CMTR1: variants seen among roughly 807,000 people sequenced by gnomAD.
The protein encoded by CMTR1 is cap-specific mRNA (nucleoside-2'-O-)-methyltransferase 1.
Under a neutral mutation model 107.0 loss-of-function variants are expected in CMTR1, and 39 were observed. The observed-to-expected ratio is 0.36, with a 90% CI of 0.28 to 0.48. CMTR1 has a LOEUF of 0.48. Ranked by LOEUF, CMTR1 falls within the 20% of genes least tolerant of loss-of-function variation. CMTR1 has a pLI of 0.99. For synonymous variants in CMTR1, 366 were observed against 379.5 expected, an observed-to-expected ratio of 0.96 and a Z score of 0.41; for missense variants, 672 against 1,064.9, an observed-to-expected ratio of 0.63 and a Z score of 5.14.
chr6:37,436,560 G>C (rs1008420904), intron 2 of CMTR1, among the ~76,000 whole-genome samples: 3 of 152,220 alleles, frequency 2.0e-5, no homozygotes, highest in African/African-American at 7.2e-5. Flanking sequence ...CTCTTGGGAA[G>C]ACCTTCCTTA....
chr6:37,453,853 C>G (rs1761235003), intron 8 of CMTR1, among the ~76,000 whole-genome samples: 1 of 152,208 alleles, frequency 6.6e-6, no homozygotes. Context: ...ATGAGCCGTA[C>G]TAACCTGCCA....
At chr6:37,465,008 G>A (rs1004771753) in intron 13 of CMTR1, among the ~76,000 whole-genome samples, 4 of 150,676 alleles carry the variant, frequency 2.7e-5, no homozygotes, top group Admixed American at 6.6e-5. Context: ...GGTGGCTCAC[G>A]CCTGTAATCC....
At chr6:37,445,236 A>G (rs1006096036) in intron 3 of CMTR1, among the ~76,000 whole-genome samples, 18 of 152,162 alleles carry the variant, frequency 1.2e-4, no homozygotes, top group Non-Finnish European at 2.2e-4. Context: ...TAGGAATTCC[A>G]TCCAGCTCTT....
the CMTR1 span, among the ~76,000 whole-genome samples, chr6:37,424,400 G>T: frequency 2.6e-5 from 4 of 151,388 alleles, no homozygotes; most frequent in African/African-American, 7.3e-5. Context: ...CCGCCACCTC[G>T]CCTGGTTAAT....
chr6:37,454,314 T>A lies in CMTR1; in HGVS notation c.777+1002T>A, dbSNP rs542788226. On this transcript the variant is annotated intron_variant, in intron 8 of 23. Transcript: ENST00000373451. Reference sequence around the variant, plus strand: ...CAGCTCCACCTACCTAACTGCTTCCTCCTTGCTGGCAAAACTGGCATGTAG... The same window carrying A: ...CAGCTCCACCTACCTAACTGCTTCCACCTTGCTGGCAAAACTGGCATGTAG... Among the ~76,000 whole-genome samples the A allele has an allele frequency of 4.6e-5, 7 of 152,342 alleles. No individual in the cohort carries two copies. In the East Asian group the frequency reaches 1.3e-3, roughly 29 times the overall value.
rs1365943721 is a variant in CMTR1 at position 37,480,862 on chromosome 6, C to T, written c.*717C>T. Reference sequence around the variant, plus strand: ...TCGTACTGAGTATGGAGTTGTAGAGCCATCCTAGGTGCCATCCCCTTTTGG... The same window carrying T: ...TCGTACTGAGTATGGAGTTGTAGAGTCATCCTAGGTGCCATCCCCTTTTGG... On this transcript the variant is annotated 3_prime_UTR_variant, in exon 24 of 24. Coordinates refer to ENST00000373451, the MANE Select transcript of CMTR1 (RefSeq NM_015050.3). 1.7e-6 allele frequency: 2 copies of T among 1,189,584 alleles called. No homozygotes were observed. The highest frequency in any genetic ancestry group is 3.2e-5 in the African/African-American group (2 of 62,356). The allele number at this position is 1,189,584 out of a possible 1,614,324, so 73.7% of individuals were successfully genotyped here.
upstream of CMTR1, among the ~76,000 whole-genome samples, chr6:37,429,547 G>C (rs906339316): frequency 1.3e-5 from 2 of 152,172 alleles, no homozygotes; most frequent in African/African-American, 4.8e-5. Context: ...GATAGAAAAA[G>C]GAAGTGACAT....
chr6:37,443,952 A>ATT, intron 2 of CMTR1, 47 bp from the exon 3 acceptor site: 1 of 1,599,534 alleles, frequency 6.3e-7, no homozygotes. Flanking sequence ...TCTGGAGGCT[A>ATT]TTTTGTGCCA....
intron 21 of CMTR1, 71 bp downstream of exon 21, chr6:37,477,710 T>C: frequency 3.7e-6 from 2 of 541,876 alleles, no homozygotes; most frequent in Non-Finnish European, 3.5e-6. Flanking sequence ...GTAGTCATCC[T>C]CCGTTTCATA....
chr6:37,463,092 G>A, intron 13 of CMTR1, 84 bp downstream of exon 13: 1 of 1,389,490 alleles, frequency 7.2e-7, no homozygotes, highest in South Asian at 1.2e-5. Flanking sequence ...TTGGCTCTTG[G>A]TATCACTTTG....
At chr6:37,449,210 C>G (rs552153392) in intron 4 of CMTR1, among the ~76,000 whole-genome samples, 1 of 152,150 alleles carries the variant, frequency 6.6e-6, no homozygotes, top group South Asian at 2.1e-4. Context: ...CCTCCCAAAG[C>G]ATTGGAATTA....
intron 13 of CMTR1, among the ~76,000 whole-genome samples, chr6:37,470,158 T>C (rs953336104): frequency 1.3e-5 from 2 of 151,954 alleles, no homozygotes; most frequent in Non-Finnish European, 2.9e-5. Context: ...CACCCTTTTT[T>C]TTTTTTGAGA....
intron 8 of CMTR1, among the ~76,000 whole-genome samples, chr6:37,457,387 C>T (rs1353882777): frequency 1.3e-5 from 2 of 152,126 alleles, no homozygotes; most frequent in East Asian, 3.9e-4. Flanking sequence ...TTCCTTCCCT[C>T]TCTGTCTTGT....
chr6:37,430,630 T>A (rs1277302581), upstream of CMTR1, among the ~76,000 whole-genome samples: 1 of 152,146 alleles, frequency 6.6e-6, no homozygotes, highest in South Asian at 2.1e-4. Flanking sequence ...TCTGCAAAAA[T>A]ATTTTCCTGT....
At chr6:37,433,571 C>A (rs909618069) in intron 1 of CMTR1, among the ~76,000 whole-genome samples, 194 bp downstream of exon 1, 1 of 152,254 alleles carries the variant, frequency 6.6e-6, no homozygotes, top group African/African-American at 2.4e-5. Flanking sequence ...TGACACACGT[C>A]TCTGCGCACA....
Position 37,471,735 on chromosome 6 carries a change from C to T in CMTR1, c.1563-112C>T, listed in dbSNP as rs149445069. 1.4e-3 allele frequency: 1,165 copies of T among 858,362 alleles called. 8 individuals carry two copies. In the African/African-American group the frequency reaches 0.014, roughly 11 times the overall value. The allele number at this position is 858,362 out of a possible 1,614,324, so 53.2% of individuals were successfully genotyped here. A position where few individuals can be genotyped will look rare whatever the true frequency, so the allele number is the denominator to read the frequency against. On this transcript the variant is annotated intron_variant, in intron 14 of 23. Transcript: ENST00000373451. Reference sequence around the variant, plus strand: ...AGTGGCAGCATAGTGTCTGTGTGTACACTCACATGTTCATTCATTCAGGCC... The same window carrying T: ...AGTGGCAGCATAGTGTCTGTGTGTATACTCACATGTTCATTCATTCAGGCC...
intron 13 of CMTR1, among the ~76,000 whole-genome samples, chr6:37,466,430 G>A (rs542370601): frequency 2.0e-5 from 3 of 152,076 alleles, no homozygotes; most frequent in Non-Finnish European, 4.4e-5. Context: ...CACTGCACCC[G>A]GCCGAATTTT....
intron 2 of CMTR1, among the ~76,000 whole-genome samples, chr6:37,442,780 C>T (rs1028238166): frequency 2.6e-5 from 4 of 152,190 alleles, no homozygotes; most frequent in African/African-American, 9.7e-5. Context: ...ATAATGTATT[C>T]TTCAAGTTAG....
Position 37,461,639 on chromosome 6 carries a change from C to T in CMTR1, c.1186C>T (p.Arg396Trp), listed in dbSNP as rs755289644. The change falls in exon 11 of 24, where the codon CGG (arginine) becomes TGG (tryptophan). Residue 396 changes from arginine (R) to tryptophan (W), a missense_variant. Arg to Trp is a moderately radical substitution (Grantham distance 101). Around this residue, in one of 2 missense-constraint regions of CMTR1, gnomAD observed 583 missense variants for 968.4 expected, o/e 0.60. Transcript: ENST00000373451. The part of the protein sequence containing the change: ...CQFLMALSIV[R>W]TGGHFICKTF... ...GTTCCTCATGGCGCTGTCCATTGTC[C>T]GGACAGGTGACACTTCCTCAGCTGT... 1.9e-6 allele frequency: 3 copies of T among 1,599,364 alleles called. No homozygotes were observed. The highest frequency in any genetic ancestry group is 2.6e-6 in the Non-Finnish European group (3 of 1,170,336).
Sources: allele counts gnomAD v4.1 joint callset (sites outside exome capture counted in the v4.1 genomes callset), GRCh38; gene constraint gnomAD v4.1.1; regional missense constraint gnomAD v4.1.1; transcripts MANE v1.5; gene names NCBI Gene and HGNC (gene_info 2026-07-23, HGNC 2026-07-21).